EBF2: variants seen among roughly 807,000 people sequenced by gnomAD.
The protein encoded by EBF2 is transcription factor COE2.
EBF2 carries 21 observed loss-of-function variants against 72.8 expected under a neutral mutation model. That is an observed-to-expected ratio of 0.29 (90% CI 0.20 to 0.42). The LOEUF is 0.42. Ranked by LOEUF, EBF2 falls within the 10% of genes least tolerant of loss-of-function variation. The probability of loss-of-function intolerance (pLI) is 1.00; values close to 1 mark genes in which losing one functional copy is unlikely to be tolerated. For missense variants in EBF2, 637 were observed against 731.2 expected (o/e 0.87, Z 1.49); for synonymous variants, 299 against 274.2 (o/e 1.09, Z -0.89).
At chr8:25,909,874 T>G (rs1157086423) in intron 6 of EBF2, among the ~76,000 whole-genome samples, 1 of 152,238 alleles carries the variant, frequency 6.6e-6, no homozygotes, top group African/African-American at 2.4e-5. Flanking sequence ...CATGCTCCCA[T>G]GAATAAGGTT....
intron 5 of EBF2, among the ~76,000 whole-genome samples, chr8:26,038,577 C>T (rs1404128853): frequency 2.0e-5 from 3 of 152,152 alleles, no homozygotes; most frequent in Non-Finnish European, 2.9e-5. Flanking sequence ...AAAGAAAAAC[C>T]TCCCTTCAAC....
intron 6 of EBF2, among the ~76,000 whole-genome samples, chr8:25,928,782 G>GA (rs71551838): frequency 0.029 from 3,223 of 110,348 alleles, 165 homozygotes; most frequent in African/African-American, 0.088. Flanking sequence ...ATTTTTAAAT[G>GA]AAAAAAAAAA....
chr8:25,848,939 A>ATATTCAGCAATCGTTTTCATTTCC (rs1801901581), intron 15 of EBF2, among the ~76,000 whole-genome samples: 1 of 152,224 alleles, frequency 6.6e-6, no homozygotes, highest in Non-Finnish European at 1.5e-5. Context: ...AGTACGGTAA[A>ATATTCAGCAATCGTTTTCATTTCC]TATTCAGCAA....
At chr8:26,017,402 ATC>A (rs754525791) in intron 6 of EBF2, among the ~76,000 whole-genome samples, 3 of 152,104 alleles carry the variant, frequency 2.0e-5, no homozygotes, top group East Asian at 1.9e-4. Context: ...CCAGAGGAAG[ATC>A]TCTGTTTTTG....
At chr8:26,029,883 C>T (rs1164309053) in intron 6 of EBF2, among the ~76,000 whole-genome samples, 1 of 152,212 alleles carries the variant, frequency 6.6e-6, no homozygotes, top group African/African-American at 2.4e-5. Flanking sequence ...TTCCCACCTT[C>T]AACAAATGGA....
intron 6 of EBF2, among the ~76,000 whole-genome samples, chr8:25,949,012 A>G (rs967377673): frequency 1.6e-4 from 25 of 152,224 alleles, no homozygotes; most frequent in African/African-American, 6.0e-4. Context: ...CTCTTCTACT[A>G]TTCAAATGTT....
chr8:25,884,296 C>G (rs1802653228), intron 10 of EBF2, among the ~76,000 whole-genome samples: 1 of 152,110 alleles, frequency 6.6e-6, no homozygotes, highest in African/African-American at 2.4e-5. Context: ...AGGCACTGCT[C>G]CAGTGAACAC....
intron 14 of EBF2, among the ~76,000 whole-genome samples, chr8:25,854,564 C>A (rs1266274222): frequency 1.3e-5 from 2 of 152,160 alleles, no homozygotes; most frequent in East Asian, 1.9e-4. Flanking sequence ...ATGGTTACCT[C>A]TGCACAGACA....
intron 6 of EBF2, among the ~76,000 whole-genome samples, chr8:25,950,712 G>T (rs1226431571): frequency 2.0e-5 from 3 of 152,190 alleles, no homozygotes; most frequent in African/African-American, 7.2e-5. Context: ...TAGTTGTTCT[G>T]TCTCAGGCAT....
chr8:25,930,155 C>T (rs909552230), intron 6 of EBF2, among the ~76,000 whole-genome samples: 1 of 152,138 alleles, frequency 6.6e-6, no homozygotes, highest in Non-Finnish European at 1.5e-5. Context: ...CAGGTTACAT[C>T]TCCAGGGCTC....
At chr8:25,846,671 A>T (rs1315087279) in intron 15 of EBF2, among the ~76,000 whole-genome samples, 1 of 152,202 alleles carries the variant, frequency 6.6e-6, no homozygotes, top group African/African-American at 2.4e-5. Flanking sequence ...CCTGTGTGAC[A>T]GAGTGAGACC....
intron 6 of EBF2, among the ~76,000 whole-genome samples, chr8:25,997,761 G>A: frequency 6.6e-6 from 1 of 152,056 alleles, no homozygotes; most frequent in East Asian, 1.9e-4. Context: ...GATATACAAG[G>A]CTCAGTTAGA....
At chr8:25,850,405 T>C (rs1184929733) in intron 15 of EBF2, among the ~76,000 whole-genome samples, 189 bp downstream of exon 15, 1 of 152,210 alleles carries the variant, frequency 6.6e-6, no homozygotes, top group African/African-American at 2.4e-5. Context: ...TGAGCCACCA[T>C]GCCTGGCCCC....
chr8:25,957,816 T>G (rs544778187), intron 6 of EBF2, among the ~76,000 whole-genome samples: 2 of 152,182 alleles, frequency 1.3e-5, no homozygotes, highest in African/African-American at 4.8e-5. Flanking sequence ...TGGTGAACCA[T>G]GATTGCATGA....
intron 10 of EBF2, among the ~76,000 whole-genome samples, chr8:25,883,391 T>C (rs1802634200): frequency 6.6e-6 from 1 of 150,688 alleles, no homozygotes; most frequent in Non-Finnish European, 1.5e-5. Context: ...ATCTAGTTAT[T>C]GTAATGTAAC....
chr8:26,034,764 A>G (rs978351176), intron 5 of EBF2, among the ~76,000 whole-genome samples: 20 of 152,232 alleles, frequency 1.3e-4, no homozygotes, highest in Non-Finnish European at 2.9e-5. Context: ...TGGTTGGAGA[A>G]TATGCCTAAG....
At chr8:25,999,452 G>A (rs7823471) in intron 6 of EBF2, among the ~76,000 whole-genome samples, 30 of 152,168 alleles carry the variant, frequency 2.0e-4, no homozygotes, top group African/African-American at 7.0e-4. Context: ...CTCATCTGAC[G>A]AATGCCCTGT....
intron 10 of EBF2, among the ~76,000 whole-genome samples, chr8:25,884,273 T>C (rs1245847325): frequency 6.6e-6 from 1 of 151,998 alleles, no homozygotes; most frequent in Non-Finnish European, 1.5e-5. Context: ...CACCCCCAGA[T>C]TCATGGACTG....
chr8:25,884,382 G>A (rs960451110), intron 10 of EBF2, among the ~76,000 whole-genome samples: 1 of 152,120 alleles, frequency 6.6e-6, no homozygotes, highest in African/African-American at 2.4e-5. Context: ...GAGGAGAGGA[G>A]GATGGAGAAA....
Sources: allele counts gnomAD v4.1 joint callset (sites outside exome capture counted in the v4.1 genomes callset), GRCh38; gene constraint gnomAD v4.1.1; transcripts MANE v1.5; gene names NCBI Gene and HGNC (gene_info 2026-07-23, HGNC 2026-07-21).